The following ABLIM1 variants were observed in gnomAD, a reference collection of about 807,000 sequenced individuals.
ABLIM1 encodes the protein actin-binding LIM protein 1.
In ABLIM1, 40 loss-of-function variants were observed where a neutral mutation model predicts 107.0. The observed-to-expected ratio is 0.37, with a 90% CI of 0.29 to 0.49. The LOEUF (loss-of-function observed/expected upper bound fraction) is 0.49. ABLIM1 is among the 20% of genes least tolerant of loss of function. ABLIM1 has a pLI of 0.97. For synonymous variants in ABLIM1, 357 were observed against 357.3 expected (o/e 1.00, Z 0.01); for missense variants, 857 against 1,008.5 (o/e 0.85, Z 2.04).
At chr10:114,637,099 G>A (rs1417691285) in intron 1 of ABLIM1, among the ~76,000 whole-genome samples, 1 of 150,586 alleles carries the variant, frequency 6.6e-6, no homozygotes, top group Non-Finnish European at 1.5e-5. Flanking sequence ...AGAAATGCAA[G>A]GGGTACTTCA....
the ABLIM1 span, among the ~76,000 whole-genome samples, chr10:114,782,795 A>G: frequency 2.0e-5 from 3 of 152,108 alleles, no homozygotes; most frequent in African/African-American, 7.3e-5. Context: ...TGATGGGAAT[A>G]AAGCTGAAGA....
chr10:114,572,141 T>C (rs1407423350), intron 3 of ABLIM1, among the ~76,000 whole-genome samples: 1 of 152,232 alleles, frequency 6.6e-6, no homozygotes, highest in Non-Finnish European at 1.5e-5. Context: ...TTTAAACAAG[T>C]CATTAATGAA....
At chr10:114,709,918 C>A (rs991868624) in intron 1 of ABLIM1, among the ~76,000 whole-genome samples, 3 of 152,148 alleles carry the variant, frequency 2.0e-5, no homozygotes, top group Admixed American at 1.3e-4. Context: ...AAACAGGGTT[C>A]TCAAACTTAC....
the ABLIM1 span, among the ~76,000 whole-genome samples, chr10:114,787,132 C>T: frequency 1.3e-5 from 2 of 151,066 alleles, no homozygotes; most frequent in Admixed American, 6.6e-5. Context: ...ATGTGGGGAG[C>T]GCCTCTGCCC....
Position 114,434,743 on chromosome 10 carries a change from T to C in ABLIM1, c.*1517A>G, listed in dbSNP as rs374298801. ...CTCATCTAACTCACGTCGGGAATCA[T>C]GATGTGGTTTCATATGCACGCACGT... On this transcript the variant is annotated 3_prime_UTR_variant, in exon 23 of 23. Coordinates refer to ENST00000533213, the MANE Select transcript of ABLIM1 (RefSeq NM_002313.7). 6.6e-6 allele frequency: 1 copy of C among 152,208 alleles called. No homozygotes were observed. The highest frequency in any genetic ancestry group is 1.5e-5 in the Non-Finnish European group (1 of 68,042). 9.4% of individuals were successfully genotyped at this position (152,208 alleles called of 1,614,324 possible).
intron 12 of ABLIM1, among the ~76,000 whole-genome samples, chr10:114,461,209 C>T (rs1053306829): frequency 2.1e-4 from 32 of 151,648 alleles, no homozygotes; most frequent in Admixed American, 1.5e-3. Context: ...ACTTCAGGCA[C>T]GCACCACCAT....
chr10:114,440,315 C>T lies in ABLIM1; in HGVS notation c.2060-226G>A, dbSNP rs907627290. Reference sequence around the variant, plus strand: ...TAAAACATTTTCCCCTGGAAGCTTTCGCTGACAACCTAAAGGTACTTACTG... The same window carrying T: ...TAAAACATTTTCCCCTGGAAGCTTTTGCTGACAACCTAAAGGTACTTACTG... On this transcript the variant is annotated intron_variant, in intron 19 of 22. Transcript: ENST00000533213. Among the ~76,000 whole-genome samples the T allele has an allele frequency of 4.6e-5, 7 of 152,174 alleles. No homozygotes were observed. The East Asian group carries it at 7.7e-4, about 17-fold the overall frequency.
chr10:114,552,387 T>C (rs2068168599), intron 4 of ABLIM1, among the ~76,000 whole-genome samples: 1 of 151,932 alleles, frequency 6.6e-6, no homozygotes, highest in South Asian at 2.1e-4. Context: ...GCATTGGAAT[T>C]ATTGCCAACG....
intron 6 of ABLIM1, among the ~76,000 whole-genome samples, chr10:114,510,215 G>A (rs960834790): frequency 6.6e-6 from 1 of 152,122 alleles, no homozygotes; most frequent in South Asian, 2.1e-4. Flanking sequence ...CTGTGCATTA[G>A]AATCAACAGG....
intron 2 of ABLIM1, among the ~76,000 whole-genome samples, chr10:114,580,962 T>C (rs2073299681): frequency 6.6e-6 from 1 of 152,180 alleles, no homozygotes; most frequent in Non-Finnish European, 1.5e-5. Context: ...TTTCTTCTGA[T>C]CAATTATTTA....
chr10:114,446,766 G>A (rs1037009419), intron 15 of ABLIM1, among the ~76,000 whole-genome samples: 4 of 152,086 alleles, frequency 2.6e-5, no homozygotes, highest in African/African-American at 7.2e-5. Flanking sequence ...CTTCCTGAAG[G>A]GCATGGATTG....
intron 1 of ABLIM1, among the ~76,000 whole-genome samples, chr10:114,672,683 G>A (rs1184770114): frequency 2.0e-5 from 3 of 152,152 alleles, no homozygotes; most frequent in African/African-American, 7.2e-5. Flanking sequence ...GTTTGGTCCT[G>A]TTTAAAACAT....
intron 19 of ABLIM1, 25 bp from the exon 20 acceptor site, chr10:114,440,114 A>G: frequency 6.2e-7 from 1 of 1,600,084 alleles, no homozygotes; most frequent in Non-Finnish European, 8.6e-7. Context: ...AAAAGAAAAT[A>G]TCATAAGGGA....
chr10:114,737,355 C>T (rs994868088), intron 1 of ABLIM1, among the ~76,000 whole-genome samples: 1 of 152,116 alleles, frequency 6.6e-6, no homozygotes, highest in Non-Finnish European at 1.5e-5. Flanking sequence ...TTTTGGAGAA[C>T]CACTTTTTCA....
rs1590923321 is a variant in ABLIM1 at position 114,526,501 on chromosome 10, A to G, written c.894+18504T>C. 3 of 355,236 alleles carry G rather than the reference A, an allele frequency of 8.4e-6. No individual in the cohort carries two copies. The Admixed American group carries it at 1.9e-4, about 23-fold the overall frequency. 22.0% of individuals were successfully genotyped at this position (355,236 alleles called of 1,614,324 possible). A position where few individuals can be genotyped will look rare whatever the true frequency, so the allele number is the denominator to read the frequency against. ...ATCAGGAAAACAAAAAGTTTACATAAATGTATGTCAGGGCAATAAAAGTGA... is the reference window on the plus strand; with the variant it reads ...ATCAGGAAAACAAAAAGTTTACATAGATGTATGTCAGGGCAATAAAAGTGA... On this transcript the variant is annotated intron_variant, in intron 6 of 22. Coordinates refer to ENST00000533213, the MANE Select transcript of ABLIM1 (RefSeq NM_002313.7).
At chr10:114,727,228 C>T (rs143434772) in intron 1 of ABLIM1, among the ~76,000 whole-genome samples, 6 of 152,048 alleles carry the variant, frequency 3.9e-5, no homozygotes, top group African/African-American at 1.4e-4. Flanking sequence ...AAGCCTTCAC[C>T]CAGAAAGAAT....
At chr10:114,552,785 C>T (rs1453443093) in intron 4 of ABLIM1, among the ~76,000 whole-genome samples, 2 of 152,116 alleles carry the variant, frequency 1.3e-5, no homozygotes, top group Non-Finnish European at 2.9e-5. Flanking sequence ...GAAGGGGACA[C>T]GTTGCTTTCA....
Position 114,657,552 on chromosome 10 carries a change from A to G in ABLIM1, c.244+405T>C, listed in dbSNP as rs148828753. 4.0e-3 allele frequency among the ~76,000 whole-genome samples: 605 copies of G among 152,246 alleles called. 2 individuals are homozygous for G. The highest frequency in any genetic ancestry group is 0.014 in the African/African-American group (588 of 41,542). On this transcript the variant is annotated intron_variant, in intron 1 of 22. Transcript: ENST00000533213. ...CGAGCCCTCCCTACACAGTGACACA[A>G]TTTGGACCTCAACTTTACTTATCTT...
chr10:114,787,403 T>TG, the ABLIM1 span, among the ~76,000 whole-genome samples: 25 of 144,132 alleles, frequency 1.7e-4, no homozygotes, highest in Non-Finnish European at 3.0e-4. Flanking sequence ...GGGAGGGAGA[T>TG]GGGGGGGTCA....
Sources: allele counts gnomAD v4.1 joint callset (sites outside exome capture counted in the v4.1 genomes callset), GRCh38; gene constraint gnomAD v4.1.1; transcripts MANE v1.5; gene names NCBI Gene and HGNC (gene_info 2026-07-23, HGNC 2026-07-21).